FAM53A: variants seen among roughly 807,000 people sequenced by gnomAD.
FAM53A encodes the protein protein FAM53A.
A neutral mutation model predicts 26.6 loss-of-function variants in FAM53A; 28 were observed. The ratio of observed to expected loss-of-function variants is 1.05; its 90% CI spans 0.78 to 1.45. The LOEUF (loss-of-function observed/expected upper bound fraction) is 1.45. FAM53A is among the 40% of genes most tolerant of loss of function. The pLI, the probability that FAM53A is intolerant of heterozygous loss-of-function variation, is 0.00. For missense variants in FAM53A, 650 were observed against 575.8 expected, an observed-to-expected ratio of 1.13 and a Z score of -1.32; for synonymous variants, 290 against 253.1, an observed-to-expected ratio of 1.15 and a Z score of -1.38.
the FAM53A span, among the ~76,000 whole-genome samples, chr4:1,589,375 G>A: frequency 6.6e-6 from 1 of 152,064 alleles, no homozygotes; most frequent in African/African-American, 2.4e-5. Context: ...GGGTTGGTTG[G>A]TTATATTTTA....
At chr4:1,624,123 A>C (rs767294207) in intron 1 of FAM53A, among the ~76,000 whole-genome samples, 1 of 152,220 alleles carries the variant, frequency 6.6e-6, no homozygotes, top group Non-Finnish European at 1.5e-5. Context: ...TCCCTGAGGC[A>C]TAGAAGAGCC....
chr4:1,667,356 G>A (rs1451391899), intron 2 of FAM53A, among the ~76,000 whole-genome samples: 1 of 152,120 alleles, frequency 6.6e-6, no homozygotes, highest in African/African-American at 2.4e-5. Flanking sequence ...ACATGGCTCT[G>A]CAGCCAGCAA....
chr4:1,641,299 G>C lies in FAM53A; in HGVS notation c.1191C>G (p.Asn397Lys). Residue 397 changes from asparagine (N) to lysine (K), a missense_variant, in exon 5 of 5, where the codon AAC (asparagine) becomes AAG (lysine). Transcript: ENST00000308132. Reference protein sequence around the residue: ...RWELDLEQIENN With the variant: ...RWELDLEQIEKN Reference sequence around the variant, plus strand: ...CGACCAGCCCCCACCAGCCTCAGTTGTTCTCGATCTGCTCCAGGTCCAGCT... The same window carrying C: ...CGACCAGCCCCCACCAGCCTCAGTTCTTCTCGATCTGCTCCAGGTCCAGCT... 1.2e-6 allele frequency: 2 copies of C among 1,612,982 alleles called. No individual in the cohort carries two copies. The highest frequency in any genetic ancestry group is 2.7e-5 in the African/African-American group (2 of 75,048).
In FAM53A at chr4:1,659,329, C is replaced by T. The variant is rs1163323210; in HGVS notation, c.76-1861G>A. On this transcript the variant is annotated intron_variant, in intron 2 of 4. Transcript: ENST00000308132. The surrounding 1 kb of genome is among the most constrained non-coding windows in gnomAD (Gnocchi z 5.2). Reference sequence around the variant, plus strand: ...CCCTTGTTGCTGTCGATCCTCCCAGCCCCGGGCCTCCCCGCAGCAAGCACC... The same window carrying T: ...CCCTTGTTGCTGTCGATCCTCCCAGTCCCGGGCCTCCCCGCAGCAAGCACC... Among the ~76,000 whole-genome samples, 1 of 152,268 alleles carries T rather than the reference C, an allele frequency of 6.6e-6. No homozygotes were observed. Among genetic ancestry groups the T allele is most frequent in the Non-Finnish European group, 1.5e-5 (1 of 68,046 alleles).
chr4:1,638,349 G>A (rs879911582), downstream of FAM53A, among the ~76,000 whole-genome samples: 2 of 152,166 alleles, frequency 1.3e-5, no homozygotes, highest in Admixed American at 6.5e-5. Flanking sequence ...TGAACCTTCC[G>A]TCTCAGTCTC....
the FAM53A span, among the ~76,000 whole-genome samples, chr4:1,610,169 C>T: frequency 2.0e-5 from 3 of 152,034 alleles, no homozygotes; most frequent in East Asian, 5.8e-4. Context: ...GCCGAGGGGG[C>T]ACCCAGGACT....
chr4:1,610,231 A>T, the FAM53A span, among the ~76,000 whole-genome samples: 4 of 117,552 alleles, frequency 3.4e-5, no homozygotes, highest in Middle Eastern at 3.7e-3. Flanking sequence ...CCTACACCCC[A>T]CTCAACGCGC....
intron 1 of FAM53A, among the ~76,000 whole-genome samples, chr4:1,679,244 G>C (rs558752680): frequency 2.6e-5 from 4 of 151,000 alleles, no homozygotes; most frequent in African/African-American, 9.7e-5. Flanking sequence ...AAAATTAGCC[G>C]GGCGTGTGGG....
the FAM53A span, among the ~76,000 whole-genome samples, chr4:1,576,527 C>T: frequency 1.3e-5 from 2 of 152,224 alleles, no homozygotes; most frequent in Non-Finnish European, 2.9e-5. Flanking sequence ...CCATCAGCAC[C>T]GCGAGAAGGG....
At chr4:1,614,343 A>G (rs115169185), downstream of FAM53A, among the ~76,000 whole-genome samples, 1,107 of 140,168 alleles carry the variant, frequency 7.9e-3, 65 homozygotes, top group African/African-American at 0.032. Flanking sequence ...TGAGGGGGAT[A>G]CAGAGAAGTG....
At chr4:1,668,011 G>C (rs1242445872) in intron 2 of FAM53A, among the ~76,000 whole-genome samples, 1 of 152,240 alleles carries the variant, frequency 6.6e-6, no homozygotes, top group Non-Finnish European at 1.5e-5. Flanking sequence ...TAGGAGGGGA[G>C]GGACAGGGAG....
intron 2 of FAM53A, among the ~76,000 whole-genome samples, chr4:1,658,890 C>T (rs1158647843): frequency 2.0e-5 from 3 of 152,220 alleles, no homozygotes; most frequent in African/African-American, 7.2e-5. Flanking sequence ...ACGGCTGTCC[C>T]GCAGGGTCCG....
In FAM53A at chr4:1,631,692, T is replaced by TA. The variant is rs200717362; in HGVS notation, c.432-13582dup. Among the ~76,000 whole-genome samples the TA allele has an allele frequency of 4.3e-3, 649 of 151,150 alleles. 4 individuals carry two copies. Among genetic ancestry groups the TA allele is most frequent in the African/African-American group, 0.015 (604 of 41,120 alleles). ...CTATAGAAACACTGATTCAAGAAGC[T>TA]AAAAAAAACAGCCAAATCAACCAGC... On this transcript the variant is annotated intron_variant, in intron 1 of 1. Coordinates refer to the FAM53A transcript ENST00000489029.
chr4:1,664,205 A>G (rs1488199189), intron 2 of FAM53A, among the ~76,000 whole-genome samples: 2 of 152,254 alleles, frequency 1.3e-5, no homozygotes, highest in Non-Finnish European at 2.9e-5. Flanking sequence ...CATTCTGGTC[A>G]TGTGTCTTAA....
chr4:1,658,182 G>GA (rs1185752900), intron 2 of FAM53A, among the ~76,000 whole-genome samples: 1 of 149,540 alleles, frequency 6.7e-6, no homozygotes, highest in Non-Finnish European at 1.5e-5. Context: ...AGCTAATTTT[G>GA]TTTTTTTAAA....
chr4:1,664,764 G>C (rs1333105464), intron 2 of FAM53A, among the ~76,000 whole-genome samples: 2 of 152,132 alleles, frequency 1.3e-5, no homozygotes, highest in African/African-American at 4.8e-5. Flanking sequence ...GATCACCTGA[G>C]GTTAGGAGTT....
chr4:1,618,213 G>A, intron 1 of FAM53A: 1 of 452,850 alleles, frequency 2.2e-6, no homozygotes, highest in Admixed American at 2.4e-5. Flanking sequence ...GGCTGGCCTT[G>A]AGCCCGAAGG....
chr4:1,577,872 C>G, the FAM53A span, among the ~76,000 whole-genome samples: 56 of 151,956 alleles, frequency 3.7e-4, no homozygotes, highest in African/African-American at 1.0e-3. Flanking sequence ...CAAACACAGG[C>G]TCTGCCGGGA....
chr4:1,662,850 TGCAGGTGGC>T (rs1232098221), intron 2 of FAM53A, among the ~76,000 whole-genome samples: 1 of 152,100 alleles, frequency 6.6e-6, no homozygotes, highest in African/African-American at 2.4e-5. Flanking sequence ...TCCACACCCA[TGCAGGTGGC>T]TTTTATCAAA....
Sources: allele counts gnomAD v4.1 joint callset (sites outside exome capture counted in the v4.1 genomes callset), GRCh38; gene constraint gnomAD v4.1.1; non-coding constraint Gnocchi (gnomAD v3.1); transcripts MANE v1.5; gene names NCBI Gene and HGNC (gene_info 2026-07-23, HGNC 2026-07-21).